Variants in ESYT3 observed in about 807,000 individuals in gnomAD.
ESYT3 encodes extended synaptotagmin 3.
A neutral mutation model predicts 111.5 loss-of-function variants in ESYT3; 101 were observed. The ratio of observed to expected loss-of-function variants is 0.91; its 90% CI spans 0.77 to 1.07. The LOEUF (loss-of-function observed/expected upper bound fraction) is 1.07, where lower values mean the gene tolerates loss of function less well. Among genes scored for constraint, ESYT3 ranks in the 50% least tolerant of loss-of-function variants. The pLI is 0.00. For synonymous variants in ESYT3, 416 were observed against 446.8 expected (o/e 0.93, Z 0.87); for missense variants, 1,097 against 1,109.4 (o/e 0.99, Z 0.16).
intron 19 of ESYT3, 63 bp from the exon 20 acceptor site, chr3:138,474,158 T>C (rs2033373691): frequency 1.9e-6 from 3 of 1,570,114 alleles, no homozygotes; most frequent in Admixed American, 2.0e-5. Context: ...AACTCTCAAA[T>C]GTTCAGTGTT....
Position 138,472,779 on chromosome 3 carries a change from G to A in ESYT3, c.2157G>A (p.Lys719=). The A allele has an allele frequency of 6.2e-7, 1 of 1,614,210 alleles. No homozygotes were observed. Among genetic ancestry groups the A allele is most frequent in the Non-Finnish European group, 8.5e-7 (1 of 1,180,040 alleles). Residue 719 remains lysine (K), a synonymous_variant, in exon 18 of 23, where the codon AAG becomes AAA. Coordinates refer to ENST00000389567, the MANE Select transcript of ESYT3 (RefSeq NM_031913.5). ...CCTCCCCATTCGCATGGCCGCCCAA[G>A]AGGCTGGCTCCCAGCATGTCCTCGC... ...CPASPFAWPP[K]RLAPSMSSLN... is the part of the protein sequence containing the mutation.
intron 7 of ESYT3, 87 bp downstream of exon 7, chr3:138,460,753 G>A (rs2032587102): frequency 7.2e-7 from 1 of 1,379,500 alleles, no homozygotes; most frequent in Non-Finnish European, 1.0e-6. Flanking sequence ...GTGCAATGGT[G>A]GTGCTTTCCC....
At chr3:138,469,111 C>T in intron 14 of ESYT3, 1 of 608,320 alleles carries the variant, frequency 1.6e-6, no homozygotes, top group Non-Finnish European at 2.9e-6. Context: ...ATTTTTATTA[C>T]CATTTTCTGG....
chr3:138,462,684 G>T (rs2108617614), intron 8 of ESYT3, among the ~76,000 whole-genome samples: 1 of 152,066 alleles, frequency 6.6e-6, no homozygotes, highest in East Asian at 1.9e-4. Context: ...TGATTGATTG[G>T]GTCTTGCTCT....
chr3:138,463,221 A>T (rs905604772), intron 8 of ESYT3, among the ~76,000 whole-genome samples: 3 of 151,966 alleles, frequency 2.0e-5, no homozygotes, highest in Admixed American at 6.6e-5. Flanking sequence ...CAGCCTTCTG[A>T]GTAGCTGGGA....
chr3:138,474,093 G>A (rs2033370314), intron 19 of ESYT3, 128 bp from the exon 20 acceptor site: 10 of 1,224,454 alleles, frequency 8.2e-6, no homozygotes, highest in Non-Finnish European at 9.1e-6. Context: ...AATGCTGAAT[G>A]GCTAATATAG....
At position 138,474,368 on chromosome 3, in the gene ESYT3, G is replaced by A. The variant is rs2033388172; in HGVS notation, c.2468+16G>A. On this transcript the variant is annotated intron_variant, in intron 20 of 22. Transcript: ENST00000389567. ...TTGATGAGACGTAAGTGGGCTGGTG[G>A]CCTGCCTAGAGTGCCTCACCCATTC... 1.9e-6 allele frequency: 3 copies of A among 1,577,232 alleles called. No individual in the cohort carries two copies. Among genetic ancestry groups the A allele is most frequent in the Non-Finnish European group, 2.6e-6 (3 of 1,168,644 alleles).
rs1049232993 is a variant in ESYT3, at chr3:138,472,258, G to C, written c.1741-105G>C. The C allele has an allele frequency of 1.8e-5, 26 of 1,434,010 alleles. No individual in the cohort carries two copies. The African/African-American group carries it at 2.1e-4, about 12-fold the overall frequency. The allele number at this position is 1,434,010 out of a possible 1,614,324, so 88.8% of individuals were successfully genotyped here. On this transcript the variant is annotated intron_variant, in intron 17 of 22. Coordinates refer to ENST00000389567, the MANE Select transcript of ESYT3 (RefSeq NM_031913.5). ...CTGGAAATGGAAGTTCCCTAGGAAG[G>C]GTCTTTATAATTCACAACTGAGGGG...
intron 7 of ESYT3, among the ~76,000 whole-genome samples, chr3:138,461,427 A>G (rs913088825): frequency 6.6e-6 from 1 of 152,138 alleles, no homozygotes; most frequent in African/African-American, 2.4e-5. Context: ...GCCCCACTGG[A>G]CACACCTCCC....
At position 138,434,829 on chromosome 3, in the gene ESYT3, G is replaced by A. The variant is rs2030496368; in HGVS notation, c.31G>A (p.Ala11Thr). The A allele has an allele frequency of 3.9e-6, 6 of 1,555,372 alleles. No homozygotes were observed. Among genetic ancestry groups the A allele is most frequent in the Non-Finnish European group, 5.2e-6 (6 of 1,151,106 alleles). MRAEEPCAPG[A>T]PSALGAQRTP... ...AGCAGAGGAGCCCTGCGCCCCCGGG[G>A]CCCCCAGCGCCCTGGGAGCCCAGCG... Residue 11 changes from alanine (A) to threonine (T), a missense_variant, in exon 1 of 23, where the codon GCC becomes ACC. Physicochemically the swap from Ala to Thr is moderately conservative, Grantham distance 58. Coordinates refer to ENST00000389567, the MANE Select transcript of ESYT3 (RefSeq NM_031913.5).
At position 138,462,132 on chromosome 3, in the gene ESYT3, GTGC is replaced by G. The variant is rs1261677032; in HGVS notation, c.845_847del (p.Leu282del). 1 of 1,614,074 alleles carries G rather than the reference GTGC, an allele frequency of 6.2e-7. No homozygotes were observed. The highest frequency in any genetic ancestry group is 2.2e-5 in the East Asian group (1 of 44,900). ...GGAGGACCTCATTGCCACCCACCTG[GTGC>G]TGCCCAACCGTGTGACTGTGCCTGT... On this transcript the variant is annotated inframe_deletion, in exon 8 of 23. Coordinates refer to ENST00000389567, the MANE Select transcript of ESYT3 (RefSeq NM_031913.5).
At chr3:138,453,726 A>C (rs1015302733) in intron 2 of ESYT3, among the ~76,000 whole-genome samples, 2 of 152,190 alleles carry the variant, frequency 1.3e-5, no homozygotes, top group African/African-American at 4.8e-5. Context: ...TGCAGGAGGA[A>C]CTCTACAAGG....
rs2033344820 is a variant in ESYT3 at position 138,473,580 on chromosome 3, C to CA, written c.2283dup (p.Val762SerfsTer29). ...CGGCAGCTGGGTGAGATTCAGCTCA[C>CA]AGTGCGCTATGTGTGTCTGCGGCGC... On this transcript the variant is annotated frameshift_variant, in exon 19 of 23. Transcript: ENST00000389567. LOFTEE classifies it high-confidence loss of function. 9 of 1,613,924 alleles carry CA rather than the reference C, an allele frequency of 5.6e-6. No homozygotes were observed. In the East Asian group the frequency reaches 1.8e-4, roughly 32 times the overall value.
At position 138,462,053 on chromosome 3, in the gene ESYT3, A is replaced by G. The variant is rs528740470; in HGVS notation, c.795-33A>G. ...CAGGTGGCATGGGGGAGGCAGTGCC[A>G]CCCCTCCACAGCTGGTCCTGCCTTG... On this transcript the variant is annotated intron_variant, in intron 7 of 22. Coordinates refer to ENST00000389567, the MANE Select transcript of ESYT3 (RefSeq NM_031913.5). The G allele has an allele frequency of 9.1e-5, 147 of 1,612,432 alleles. 1 individual carries two copies. The South Asian group carries it at 1.5e-3, about 16-fold the overall frequency.
intron 1 of ESYT3, among the ~76,000 whole-genome samples, chr3:138,448,295 G>GAAAAAAA (rs2031693752): frequency 1.8e-5 from 2 of 111,916 alleles, no homozygotes; most frequent in African/African-American, 7.9e-5. Context: ...AAAAAAAAAT[G>GAAAAAAA]CAGGGGAGGG....
intron 1 of ESYT3, among the ~76,000 whole-genome samples, chr3:138,448,740 C>T (rs982230396): frequency 3.9e-5 from 6 of 152,170 alleles, no homozygotes; most frequent in Non-Finnish European, 7.3e-5. Flanking sequence ...AGTCATTGCT[C>T]CCTAAGAATC....
intron 8 of ESYT3, 115 bp from the exon 9 acceptor site, chr3:138,464,230 C>T (rs1010257704): frequency 2.0e-5 from 25 of 1,222,508 alleles, no homozygotes; most frequent in Non-Finnish European, 2.7e-5. Flanking sequence ...CTGGTCCAGA[C>T]CGTGGAGGGG....
chr3:138,441,276 G>A (rs1337497643), intron 1 of ESYT3, among the ~76,000 whole-genome samples: 4 of 152,154 alleles, frequency 2.6e-5, no homozygotes. Context: ...AATCTTTCTG[G>A]GCCAGGAGTG....
At chr3:138,459,911 C>G (rs1375153012) in intron 5 of ESYT3, 34 bp from the exon 6 acceptor site, 1 of 1,585,034 alleles carries the variant, frequency 6.3e-7, no homozygotes, top group East Asian at 2.2e-5. Context: ...GAAAGTAGGC[C>G]TGGGCCCCTC....
Sources: gnomAD v4.1 joint callset for allele counts (sites outside exome capture counted in the v4.1 genomes callset) on GRCh38, gnomAD v4.1.1 for gene constraint, MANE v1.5 for transcripts, NCBI Gene and HGNC (gene_info 2026-07-23, HGNC 2026-07-21) for gene names.